The following TLN2 variants were observed in gnomAD, a reference collection of about 807,000 sequenced individuals.
TLN2 encodes talin-2.
Under a neutral mutation model 294.7 loss-of-function variants are expected in TLN2, and 118 were observed. The ratio of observed to expected loss-of-function variants is 0.40; its 90% CI spans 0.34 to 0.47. TLN2 has a LOEUF of 0.47. TLN2 is among the 20% of genes least tolerant of loss of function. TLN2 has a pLI of 0.84. For synonymous variants in TLN2, 1,431 were observed against 1,304.5 expected, an observed-to-expected ratio of 1.10 and a Z score of -2.09; for missense variants, 3,083 against 3,282.2, an observed-to-expected ratio of 0.94 and a Z score of 1.48.
Position 62,795,643 on chromosome 15 carries a change from T to C in TLN2, c.5884-484T>C, listed in dbSNP as rs371962612. Reference sequence around the variant, plus strand: ...GAGAATTTCCATCCCAGCAAAGGTGTGATGAGTGTTAGCAGTGGCCTGTTC... The same window carrying C: ...GAGAATTTCCATCCCAGCAAAGGTGCGATGAGTGTTAGCAGTGGCCTGTTC... On this transcript the variant is annotated intron_variant, in intron 46 of 58. Transcript: ENST00000636159. Among the ~76,000 whole-genome samples the C allele has an allele frequency of 5.2e-4, 79 of 152,190 alleles. No individual in the cohort carries two copies. In the South Asian group the frequency reaches 0.016, roughly 31 times the overall value.
At chr15:62,492,450 T>C (rs745312206) in intron 1 of TLN2, among the ~76,000 whole-genome samples, 1 of 149,664 alleles carries the variant, frequency 6.7e-6, no homozygotes, top group Non-Finnish European at 1.5e-5. Context: ...TCTCAGCTAC[T>C]CCAAGGCTGA....
intron 1 of TLN2, among the ~76,000 whole-genome samples, chr15:62,527,435 G>C (rs1596020081): frequency 6.6e-6 from 1 of 152,148 alleles, no homozygotes; most frequent in African/African-American, 2.4e-5. Context: ...AGCCCACCTG[G>C]TTTATCACCC....
chr15:62,466,977 G>A (rs539242009), intron 1 of TLN2, among the ~76,000 whole-genome samples: 2 of 152,234 alleles, frequency 1.3e-5, no homozygotes, highest in Admixed American at 6.5e-5. Flanking sequence ...CTGAAAGCCA[G>A]TGAAGAATTA....
At chr15:62,796,358 T>A in intron 47 of TLN2, 65 bp downstream of exon 47, 1 of 1,527,686 alleles carries the variant, frequency 6.5e-7, no homozygotes, top group Non-Finnish European at 8.8e-7. Context: ...ATGATCGACT[T>A]GGAGACGCCA....
intron 21 of TLN2, 133 bp from the exon 22 acceptor site, chr15:62,711,778 A>T: frequency 1.0e-6 from 1 of 980,726 alleles, no homozygotes. Context: ...ATGGCTTAGG[A>T]CTAGAGCATG....
At chr15:62,772,952 C>T (rs911612364) in intron 42 of TLN2, among the ~76,000 whole-genome samples, 1 of 152,132 alleles carries the variant, frequency 6.6e-6, no homozygotes, top group African/African-American at 2.4e-5. Context: ...GCGTGAGCCA[C>T]CACACCTGAC....
rs778720944 is a variant in TLN2 at position 62,805,726 on chromosome 15, G to A, written c.6604G>A (p.Val2202Met). Residue 2202 changes from valine (V) to methionine (M), a missense_variant, in exon 51 of 59, where the codon GTG (valine) becomes ATG (methionine). Val to Met is a conservative substitution (Grantham distance 21). Transcript: ENST00000636159. ...TGGGAACTCATGTAGACAGGAGGACGTGATTGCTACTGCCAACCTGAGCCG... is the reference window on the plus strand; with the variant it reads ...TGGGAACTCATGTAGACAGGAGGACATGATTGCTACTGCCAACCTGAGCCG... The part of the protein sequence containing the change: ...AAGNSCRQED[V>M]IATANLSRKA... The A allele has an allele frequency of 6.2e-6, 10 of 1,614,104 alleles. No homozygotes were observed. The highest frequency in any genetic ancestry group is 4.5e-5 in the East Asian group (2 of 44,874).
intron 1 of TLN2, among the ~76,000 whole-genome samples, chr15:62,492,058 A>C (rs1170439557): frequency 1.3e-5 from 2 of 152,128 alleles, no homozygotes; most frequent in Non-Finnish European, 2.9e-5. Flanking sequence ...GAATAAATTT[A>C]TGAGTAAGCT....
intron 1 of TLN2, among the ~76,000 whole-genome samples, chr15:62,536,788 T>A (rs2041378608): frequency 6.6e-6 from 1 of 152,196 alleles, no homozygotes; most frequent in Non-Finnish European, 1.5e-5. Flanking sequence ...TTTAAAAGTT[T>A]TAGTAGACAT....
intron 1 of TLN2, among the ~76,000 whole-genome samples, chr15:62,450,502 GC>G (rs2036046579): frequency 6.6e-6 from 1 of 151,250 alleles, no homozygotes; most frequent in Admixed American, 6.6e-5. Context: ...TCATTAAGTG[GC>G]CCCCATCGTG....
At chr15:62,742,464 C>T (rs1180976005) in intron 32 of TLN2, among the ~76,000 whole-genome samples, 1 of 152,112 alleles carries the variant, frequency 6.6e-6, no homozygotes, top group Non-Finnish European at 1.5e-5. Context: ...CTTGGAATGG[C>T]TTCACTCTCC....
At chr15:62,538,505 T>C (rs990526) in intron 1 of TLN2, among the ~76,000 whole-genome samples, 52,581 of 152,068 alleles carry the variant, frequency 0.35, 10,454 homozygotes, top group East Asian at 0.55. Context: ...TCAGGTTGTA[T>C]AGCAGAAAGT....
intron 1 of TLN2, among the ~76,000 whole-genome samples, chr15:62,536,303 C>G (rs1198966790): frequency 1.3e-5 from 2 of 152,178 alleles, no homozygotes; most frequent in African/African-American, 2.4e-5. Context: ...GAAGGATTCT[C>G]TAGGATTCTC....
chr15:62,739,196 T>C, intron 30 of TLN2, 152 bp from the exon 31 acceptor site: 1 of 781,824 alleles, frequency 1.3e-6, no homozygotes, highest in Non-Finnish European at 2.0e-6. Flanking sequence ...GTCAAACCTA[T>C]TAATAAAATG....
intron 1 of TLN2, among the ~76,000 whole-genome samples, chr15:62,472,044 C>G (rs1352684868): frequency 6.6e-6 from 1 of 152,134 alleles, no homozygotes; most frequent in Non-Finnish European, 1.5e-5. Context: ...ATAGGAGGCC[C>G]GTCAGACTTA....
At chr15:62,549,604 C>T (rs1021721802) in intron 1 of TLN2, among the ~76,000 whole-genome samples, 4 of 152,140 alleles carry the variant, frequency 2.6e-5, no homozygotes, top group African/African-American at 9.7e-5. Context: ...TACTCAAGAG[C>T]TCCAGTCTGG....
At chr15:62,490,394 C>T (rs2140405501) in intron 1 of TLN2, among the ~76,000 whole-genome samples, 1 of 152,260 alleles carries the variant, frequency 6.6e-6, no homozygotes, top group South Asian at 2.1e-4. Context: ...TTGTCTCTAT[C>T]CTCAGAGGAA....
At position 62,763,625 on chromosome 15, in the gene TLN2, G is replaced by A. The variant is rs372775961; in HGVS notation, c.5024G>A (p.Arg1675Gln). 5.0e-6 allele frequency: 8 copies of A among 1,613,540 alleles called. No homozygotes were observed. Among genetic ancestry groups the A allele is most frequent in the South Asian group, 4.4e-5 (4 of 91,050 alleles). The change falls in exon 40 of 59, where the codon CGG (arginine) becomes CAG (glutamine). Residue 1675 changes from arginine (R) to glutamine (Q), a missense_variant. Coordinates refer to ENST00000636159, the MANE Select transcript of TLN2 (RefSeq NM_015059.3). ...YSIDGINRCI[R>Q]DIEQASLAAV... Reference sequence around the variant, plus strand: ...ATCGATGGCATCAACCGGTGCATCCGGGACATCGAGCAGGCCTCGCTGGCC... The same window carrying A: ...ATCGATGGCATCAACCGGTGCATCCAGGACATCGAGCAGGCCTCGCTGGCC...
intron 1 of TLN2, among the ~76,000 whole-genome samples, chr15:62,437,191 G>A (rs2035326579): frequency 1.3e-5 from 2 of 152,166 alleles, no homozygotes; most frequent in Admixed American, 6.5e-5. Flanking sequence ...TACCATCAAG[G>A]GCTCTTAGGA....
Sources: allele counts gnomAD v4.1 joint callset (sites outside exome capture counted in the v4.1 genomes callset), GRCh38; gene constraint gnomAD v4.1.1; transcripts MANE v1.5; gene names NCBI Gene and HGNC (gene_info 2026-07-23, HGNC 2026-07-21).